GOLIM4: variants seen among roughly 807,000 people sequenced by gnomAD.
GOLIM4 encodes the protein 130 kDa golgi-localized phosphoprotein.
Under a neutral mutation model 107.4 loss-of-function variants are expected in GOLIM4, and 71 were observed. The observed-to-expected ratio is 0.66, with a 90% CI of 0.55 to 0.81. GOLIM4 has a LOEUF of 0.81. GOLIM4 is among the 30% of genes least tolerant of loss of function. The pLI is 0.00. For missense variants in GOLIM4, 830 were observed against 826.1 expected (o/e 1.00, Z -0.06); for synonymous variants, 327 against 294.8 (o/e 1.11, Z -1.12).
At chr3:168,072,010 T>G (rs886449823) in intron 1 of GOLIM4, among the ~76,000 whole-genome samples, 1 of 151,922 alleles carries the variant, frequency 6.6e-6, no homozygotes, top group Non-Finnish European at 1.5e-5. Flanking sequence ...AGAGAAAAAG[T>G]TTAATTTTAT....
chr3:168,056,824 A>G (rs1719999651), intron 1 of GOLIM4, among the ~76,000 whole-genome samples: 2 of 152,174 alleles, frequency 1.3e-5, no homozygotes, highest in African/African-American at 2.4e-5. Flanking sequence ...TGATTTTACA[A>G]CTTCATAAAC....
At chr3:168,064,406 C>A (rs1247072722) in intron 1 of GOLIM4, among the ~76,000 whole-genome samples, 1 of 152,124 alleles carries the variant, frequency 6.6e-6, no homozygotes, top group Non-Finnish European at 1.5e-5. Context: ...CTTTTCCTAT[C>A]AATTATTTCA....
At chr3:168,020,594 T>C (rs116654298) in intron 14 of GOLIM4, among the ~76,000 whole-genome samples, 25 of 152,330 alleles carry the variant, frequency 1.6e-4, no homozygotes, top group Non-Finnish European at 2.8e-4. Context: ...ATCTCATTAG[T>C]CTCTGGAGAT....
At chr3:168,013,317 A>G (rs1226308300) in intron 14 of GOLIM4, among the ~76,000 whole-genome samples, 2 of 152,112 alleles carry the variant, frequency 1.3e-5, no homozygotes, top group African/African-American at 4.8e-5. Flanking sequence ...TGGTCAAGGG[A>G]TCAATTCAAC....
intron 2 of GOLIM4, among the ~76,000 whole-genome samples, chr3:168,047,941 C>G (rs1448902093): frequency 1.3e-5 from 2 of 151,662 alleles, no homozygotes; most frequent in African/African-American, 2.4e-5. Flanking sequence ...TTACTTCCCC[C>G]CCAACCCCAG....
intron 14 of GOLIM4, among the ~76,000 whole-genome samples, chr3:168,016,532 C>T (rs1335921967): frequency 7.5e-6 from 1 of 133,240 alleles, no homozygotes; most frequent in Admixed American, 7.1e-5. Context: ...CCCAGCCATC[C>T]CCTTACTGGG....
chr3:168,013,434 A>C (rs1303694989), intron 14 of GOLIM4, among the ~76,000 whole-genome samples: 1 of 151,676 alleles, frequency 6.6e-6, no homozygotes, highest in African/African-American at 2.4e-5. Flanking sequence ...CCCACGCATT[A>C]ATAATGGGAG....
intron 14 of GOLIM4, among the ~76,000 whole-genome samples, chr3:168,011,260 C>T (rs1305923205): frequency 6.6e-6 from 1 of 151,804 alleles, no homozygotes; most frequent in East Asian, 1.9e-4. Flanking sequence ...AGTTCCCTTT[C>T]CGAGTCAAAG....
At chr3:168,050,822 T>TATA (rs140084468) in intron 1 of GOLIM4, among the ~76,000 whole-genome samples, 24,974 of 135,974 alleles carry the variant, frequency 0.18, 2,272 homozygotes, top group African/African-American at 0.22. Flanking sequence ...TAGCAACACC[T>TATA]ATAATAATAA....
chr3:168,067,521 A>G (rs1261086931), intron 1 of GOLIM4, among the ~76,000 whole-genome samples: 2 of 150,832 alleles, frequency 1.3e-5, no homozygotes, highest in African/African-American at 2.5e-5. Flanking sequence ...ATTAAAAAAA[A>G]AAAAACACAC....
At chr3:168,051,254 T>A (rs192540147) in intron 1 of GOLIM4, among the ~76,000 whole-genome samples, 2 of 151,986 alleles carry the variant, frequency 1.3e-5, no homozygotes, top group African/African-American at 2.4e-5. Context: ...TATTCCATTC[T>A]TTATTCTCTT....
chr3:168,010,138 T>C lies in GOLIM4; in HGVS notation c.*131A>G, dbSNP rs1577493790. Reference sequence around the variant, plus strand: ...CATATAAATGTATGCGCATTTCTAATACAAAAGTTTTAAAAAAGTCTAAGT... The same window carrying C: ...CATATAAATGTATGCGCATTTCTAACACAAAAGTTTTAAAAAAGTCTAAGT... On this transcript the variant is annotated 3_prime_UTR_variant, in exon 16 of 16. Coordinates refer to ENST00000470487, the MANE Select transcript of GOLIM4 (RefSeq NM_014498.5). 1.4e-6 allele frequency: 1 copy of C among 728,250 alleles called. No individual in the cohort carries two copies. Among genetic ancestry groups the C allele is most frequent in the East Asian group, 2.7e-5 (1 of 37,302 alleles). 45.1% of individuals were successfully genotyped at this position (728,250 alleles called of 1,614,324 possible). A position where few individuals can be genotyped will look rare whatever the true frequency, so the allele number is the denominator to read the frequency against.
At chr3:168,090,678 C>T (rs1721862032) in intron 1 of GOLIM4, among the ~76,000 whole-genome samples, 1 of 152,044 alleles carries the variant, frequency 6.6e-6, no homozygotes, top group Non-Finnish European at 1.5e-5. Context: ...GGTATATACC[C>T]AAAGGGAAAT....
intron 15 of GOLIM4, 108 bp downstream of exon 15, chr3:168,010,635 A>T (rs1202767628): frequency 4.5e-6 from 4 of 894,942 alleles, no homozygotes; most frequent in Non-Finnish European, 5.4e-6. Flanking sequence ...GGTAACTCAG[A>T]GGTACCATTA....
At chr3:168,043,890 G>A (rs1197872189) in intron 4 of GOLIM4, among the ~76,000 whole-genome samples, 1 of 152,148 alleles carries the variant, frequency 6.6e-6, no homozygotes, top group African/African-American at 2.4e-5. Context: ...TTCCTCTTTC[G>A]ATCTGATGTT....
chr3:168,028,015 T>A (rs1366291290), intron 11 of GOLIM4, among the ~76,000 whole-genome samples, 178 bp from the exon 12 acceptor site: 5 of 152,256 alleles, frequency 3.3e-5, no homozygotes, highest in African/African-American at 1.2e-4. Flanking sequence ...CTTCACAGAC[T>A]GTGTGTCTAG....
chr3:168,034,416 G>A (rs770992538), intron 8 of GOLIM4, among the ~76,000 whole-genome samples: 16 of 152,286 alleles, frequency 1.1e-4, no homozygotes, highest in Admixed American at 5.2e-4. Flanking sequence ...CCAGTGATCT[G>A]GTCATGCTCT....
intron 1 of GOLIM4, among the ~76,000 whole-genome samples, chr3:168,068,794 CT>C (rs1720681111): frequency 6.6e-6 from 1 of 151,232 alleles, no homozygotes; most frequent in Non-Finnish European, 1.5e-5. Context: ...CTTATTTTAC[CT>C]CTTAAAACTT....
rs1220475981 is a variant in GOLIM4 at position 168,030,019 on chromosome 3, C to G, written c.1194G>C (p.Lys398Asn). The change falls in exon 10 of 16, where the codon AAG becomes AAC. Residue 398 changes from lysine (K) to asparagine (N), a missense_variant. By Grantham distance (94) the Lys-to-Asn change is moderately conservative (BLOSUM62 0). Coordinates refer to ENST00000470487, the MANE Select transcript of GOLIM4 (RefSeq NM_014498.5). ...AGGGTGATTGGAATTTGATCATTGG[C>G]TTGGCTGAAGGGTACACCTAGGGTG... ...HARAEVYPSAKPMIKFQSPYE... is the reference protein window; with the variant it reads ...HARAEVYPSANPMIKFQSPYE... 6.2e-7 allele frequency: 1 copy of G among 1,614,042 alleles called. No homozygotes were observed. Among genetic ancestry groups the G allele is most frequent in the Non-Finnish European group, 8.5e-7 (1 of 1,180,014 alleles).
Sources: allele counts gnomAD v4.1 joint callset (sites outside exome capture counted in the v4.1 genomes callset), GRCh38; gene constraint gnomAD v4.1.1; transcripts MANE v1.5; gene names NCBI Gene and HGNC (gene_info 2026-07-23, HGNC 2026-07-21).